BABAM2: variants seen among roughly 807,000 people sequenced by gnomAD.
BABAM2 encodes the protein BRISC and BRCA1 A complex member 2.
A neutral mutation model predicts 54.7 loss-of-function variants in BABAM2; 31 were observed. The observed-to-expected ratio is 0.57, with a 90% CI of 0.43 to 0.77. BABAM2 has a LOEUF of 0.77. BABAM2 is among the 30% of genes least tolerant of loss of function. The probability of loss-of-function intolerance (pLI) is 0.00; values close to 1 mark genes in which losing one functional copy is unlikely to be tolerated. For missense variants in BABAM2, 364 were observed against 455.8 expected, an observed-to-expected ratio of 0.80 and a Z score of 1.83; for synonymous variants, 167 against 162.9, an observed-to-expected ratio of 1.03 and a Z score of -0.19.
chr2:28,297,221 A>G (rs1687770574), intron 10 of BABAM2, among the ~76,000 whole-genome samples: 1 of 152,196 alleles, frequency 6.6e-6, no homozygotes, highest in Non-Finnish European at 1.5e-5. Context: ...TGACTATGAC[A>G]TGAGCAAGTT....
intron 2 of BABAM2, among the ~76,000 whole-genome samples, chr2:27,926,163 A>C (rs1667691439): frequency 6.6e-6 from 1 of 151,960 alleles, no homozygotes; most frequent in African/African-American, 2.4e-5. Context: ...TCTTCTGCTA[A>C]AAACCCTGCT....
chr2:28,020,952 G>GACACACACACACAC lies in BABAM2; in HGVS notation c.301-4248_301-4235dup, dbSNP rs57086132. On this transcript the variant is annotated intron_variant, in intron 4 of 11. Transcript: ENST00000379624. Reference sequence around the variant, plus strand: ...CATTTCTAAGACTCTCTGTCTCTCTGACACACACACACACACACACACACA... The same window carrying GACACACACACACAC: ...CATTTCTAAGACTCTCTGTCTCTCTGACACACACACACACACACACACACACACACACACACACA... Among the ~76,000 whole-genome samples, 715 of 144,504 alleles carry GACACACACACACAC rather than the reference G, an allele frequency of 4.9e-3. 6 individuals are homozygous for GACACACACACACAC. The highest frequency in any genetic ancestry group is 0.011 in the African/African-American group (424 of 38,594). 94.8% of individuals were successfully genotyped at this position (144,504 alleles called of 152,430 possible).
intron 10 of BABAM2, among the ~76,000 whole-genome samples, chr2:28,277,029 C>A (rs1685935776): frequency 6.6e-6 from 1 of 152,188 alleles, no homozygotes; most frequent in Non-Finnish European, 1.5e-5. Flanking sequence ...CAGCCTCATG[C>A]TTGGCTATCT....
At chr2:27,987,394 T>C (rs1019799918) in intron 3 of BABAM2, among the ~76,000 whole-genome samples, 1 of 152,240 alleles carries the variant, frequency 6.6e-6, no homozygotes, top group Non-Finnish European at 1.5e-5. Flanking sequence ...GACAGTAATG[T>C]TACCTGTAAA....
intron 7 of BABAM2, 137 bp from the exon 8 acceptor site, chr2:28,237,065 G>C: frequency 1.5e-6 from 1 of 664,598 alleles, no homozygotes; most frequent in East Asian, 2.6e-5. Flanking sequence ...ATAAAGTGAA[G>C]CCCATATACC....
intron 11 of BABAM2, among the ~76,000 whole-genome samples, chr2:28,321,084 A>G (rs967017304): frequency 3.9e-5 from 6 of 152,308 alleles, no homozygotes; most frequent in African/African-American, 1.4e-4. Context: ...GAGCTGTTCA[A>G]TAACTGTTTG....
chr2:28,314,818 G>A (rs891711276), intron 11 of BABAM2, among the ~76,000 whole-genome samples: 12 of 152,036 alleles, frequency 7.9e-5, no homozygotes, highest in African/African-American at 2.7e-4. Flanking sequence ...TTGGAGGCTG[G>A]GTAGGATTTG....
intron 11 of BABAM2, among the ~76,000 whole-genome samples, chr2:28,316,425 G>A (rs1354286759): frequency 8.5e-6 from 1 of 117,374 alleles, no homozygotes; most frequent in African/African-American, 3.1e-5. Flanking sequence ...TGGGGGTGGG[G>A]GTGGGGGTGG....
At chr2:28,250,124 TGCTTCTATA>T (rs533907570) in intron 10 of BABAM2, among the ~76,000 whole-genome samples, 69 of 152,170 alleles carry the variant, frequency 4.5e-4, no homozygotes, top group African/African-American at 1.6e-3. Flanking sequence ...GTCTTCCCTA[TGCTTCTATA>T]GGGAAGACCT....
chr2:28,327,177 G>T lies in BABAM2; in HGVS notation c.1089-11273G>T, dbSNP rs149559960. The T allele has an allele frequency of 2.6e-3, 3,309 of 1,294,566 alleles. 71 individuals are homozygous for T. The African/African-American group carries it at 0.045, about 18-fold the overall frequency. The allele number at this position is 1,294,566 out of a possible 1,614,324, so 80.2% of individuals were successfully genotyped here. On this transcript the variant is annotated intron_variant, in intron 11 of 11. Coordinates refer to ENST00000379624, the MANE Select transcript of BABAM2 (RefSeq NM_199191.3). ...AGAGAAAGAAGCTGGTCCCATGGCC[G>T]GTGGAGGCTCAGGAGCCCATTAGGA...
intron 5 of BABAM2, among the ~76,000 whole-genome samples, chr2:28,026,401 C>T (rs1185785948): frequency 6.6e-6 from 1 of 151,922 alleles, no homozygotes; most frequent in Non-Finnish European, 1.5e-5. Context: ...ACTATGCAGC[C>T]ATAAAAAAGG....
intron 7 of BABAM2, among the ~76,000 whole-genome samples, chr2:28,155,628 A>G (rs1478253778): frequency 2.0e-5 from 3 of 152,350 alleles, no homozygotes; most frequent in South Asian, 2.1e-4. Context: ...GCTCAGTTCT[A>G]TAACTATTTA....
At chr2:27,958,106 T>A (rs1267738161) in intron 3 of BABAM2, among the ~76,000 whole-genome samples, 2 of 152,204 alleles carry the variant, frequency 1.3e-5, no homozygotes, top group African/African-American at 2.4e-5. Context: ...TCTCAGTCAA[T>A]GCTGTGAGGA....
chr2:28,157,939 G>T (rs1374414242), intron 7 of BABAM2, among the ~76,000 whole-genome samples: 1 of 152,144 alleles, frequency 6.6e-6, no homozygotes, highest in Non-Finnish European at 1.5e-5. Flanking sequence ...GATCTGTGGG[G>T]TCAGGCAGGC....
At chr2:28,026,896 A>ATTT (rs1558667572) in intron 5 of BABAM2, among the ~76,000 whole-genome samples, 1,204 of 27,074 alleles carry the variant, frequency 0.044, 79 homozygotes, top group African/African-American at 0.08. Flanking sequence ...AGATATATAT[A>ATTT]AATATATATA....
At position 28,329,520 on chromosome 2, in the gene BABAM2, TACAA is replaced by T. The variant is rs1329131425; in HGVS notation, c.1089-8925_1089-8922del. Among the ~76,000 whole-genome samples, 3 of 152,052 alleles carry T rather than the reference TACAA, an allele frequency of 2.0e-5. No individual in the cohort carries two copies. Among genetic ancestry groups the T allele is most frequent in the African/African-American group, 7.2e-5 (3 of 41,384 alleles). On this transcript the variant is annotated intron_variant, in intron 11 of 11. Transcript: ENST00000379624. The surrounding 1 kb of genome is among the most constrained non-coding windows in gnomAD (Gnocchi z 4.2). ...GCTATCACCACTGACCCCACAGAAA[TACAA>T]ACAACCATCAGAGAATACTATATAA...
At chr2:28,184,526 T>C (rs2147895800) in intron 7 of BABAM2, among the ~76,000 whole-genome samples, 1 of 139,938 alleles carries the variant, frequency 7.1e-6, no homozygotes, top group South Asian at 2.4e-4. Flanking sequence ...CCCCTTCCTG[T>C]GTCCAAGTGT....
intron 7 of BABAM2, among the ~76,000 whole-genome samples, chr2:28,213,518 G>C (rs538090037): frequency 6.8e-4 from 103 of 152,130 alleles, no homozygotes; most frequent in African/African-American, 2.4e-3. Context: ...AGAAAAGGGG[G>C]AGTATATAAT....
At chr2:27,972,807 G>T (rs1280027570) in intron 3 of BABAM2, among the ~76,000 whole-genome samples, 1 of 137,206 alleles carries the variant, frequency 7.3e-6, no homozygotes, top group Admixed American at 7.8e-5. Context: ...TTGTGCTGTC[G>T]CCAGGCTGGA....
Sources: allele counts gnomAD v4.1 joint callset (sites outside exome capture counted in the v4.1 genomes callset), GRCh38; gene constraint gnomAD v4.1.1; non-coding constraint Gnocchi (gnomAD v3.1); transcripts MANE v1.5; gene names NCBI Gene and HGNC (gene_info 2026-07-23, HGNC 2026-07-21).